Variants in ST6GALNAC3 observed in about 807,000 individuals in gnomAD.
The protein encoded by ST6GALNAC3 is ST6 N-acetylgalactosaminide alpha-2,6-sialyltransferase 3, also known as alpha-N-acetylgalactosaminide alpha-2,6-sialyltransferase 3.
ST6GALNAC3 carries 25 observed loss-of-function variants against 32.7 expected under a neutral mutation model. The observed-to-expected ratio is 0.76, with a 90% CI of 0.56 to 1.07. The LOEUF (loss-of-function observed/expected upper bound fraction) is 1.07, where lower values mean the gene tolerates loss of function less well. ST6GALNAC3 is among the 50% of genes least tolerant of loss of function. ST6GALNAC3 has a pLI of 0.00. For synonymous variants in ST6GALNAC3, 129 were observed against 133.1 expected (o/e 0.97, Z 0.21); for missense variants, 355 against 382.4 (o/e 0.93, Z 0.60).
intron 1 of ST6GALNAC3, among the ~76,000 whole-genome samples, chr1:76,207,435 A>G (rs1381883033): frequency 1.3e-5 from 2 of 152,232 alleles, no homozygotes; most frequent in East Asian, 3.8e-4. Flanking sequence ...TTCTGTGGCT[A>G]TAACAACACA....
intron 3 of ST6GALNAC3, among the ~76,000 whole-genome samples, chr1:76,466,100 GTCATGGTTTGTAA>G (rs1400760610): frequency 9.9e-5 from 15 of 152,172 alleles, no homozygotes; most frequent in African/African-American, 3.6e-4. Context: ...ATTTCTCCCA[GTCATGGTTTGTAA>G]TAGCCTTAAT....
intron 1 of ST6GALNAC3, among the ~76,000 whole-genome samples, chr1:76,265,573 C>G (rs573500739): frequency 1.3e-5 from 2 of 152,230 alleles, no homozygotes; most frequent in African/African-American, 4.8e-5. Context: ...CAAACATGCA[C>G]TTTTATCAAA....
chr1:76,554,160 T>C (rs1664787129), intron 3 of ST6GALNAC3, among the ~76,000 whole-genome samples: 2 of 152,168 alleles, frequency 1.3e-5, no homozygotes, highest in Middle Eastern at 3.2e-3. Context: ...CTGGGAGTTA[T>C]CTCCTTGATT....
intron 1 of ST6GALNAC3, among the ~76,000 whole-genome samples, chr1:76,169,431 A>G (rs1161273677): frequency 6.6e-6 from 1 of 151,782 alleles, no homozygotes; most frequent in African/African-American, 2.4e-5. Context: ...GTGCTTGGGG[A>G]TGATCTTTAG....
intron 1 of ST6GALNAC3, among the ~76,000 whole-genome samples, chr1:76,169,718 G>A (rs952377532): frequency 6.6e-6 from 1 of 152,126 alleles, no homozygotes; most frequent in Non-Finnish European, 1.5e-5. Flanking sequence ...GTCAAGCTCT[G>A]AGATTATTTT....
At chr1:76,589,200 T>C (rs1407021609) in intron 3 of ST6GALNAC3, among the ~76,000 whole-genome samples, 2 of 152,228 alleles carry the variant, frequency 1.3e-5, no homozygotes, top group Non-Finnish European at 2.9e-5. Context: ...TGGTTTCTGA[T>C]ATTTCATGCC....
intron 3 of ST6GALNAC3, among the ~76,000 whole-genome samples, chr1:76,489,552 C>A (rs1338642307): frequency 6.6e-6 from 1 of 152,050 alleles, no homozygotes; most frequent in Non-Finnish European, 1.5e-5. Context: ...TAATAGACAT[C>A]CTGAAATGCC....
intron 2 of ST6GALNAC3, among the ~76,000 whole-genome samples, chr1:76,373,125 C>T (rs1282519237): frequency 1.3e-5 from 2 of 151,970 alleles, no homozygotes; most frequent in African/African-American, 4.8e-5. Flanking sequence ...CAGATGGTAA[C>T]AGGAATGACA....
At chr1:76,322,521 C>G (rs1312487280) in intron 2 of ST6GALNAC3, among the ~76,000 whole-genome samples, 1 of 152,136 alleles carries the variant, frequency 6.6e-6, no homozygotes, top group Non-Finnish European at 1.5e-5. Flanking sequence ...ACAAGAAATT[C>G]ATTTCACTGT....
At chr1:76,127,286 C>A (rs1649314819) in intron 1 of ST6GALNAC3, among the ~76,000 whole-genome samples, 1 of 151,956 alleles carries the variant, frequency 6.6e-6, no homozygotes, top group Non-Finnish European at 1.5e-5. Context: ...CACCCAGGGC[C>A]CCAAATCATT....
intron 1 of ST6GALNAC3, among the ~76,000 whole-genome samples, chr1:76,299,847 G>T (rs887596864): frequency 6.6e-6 from 1 of 152,022 alleles, no homozygotes; most frequent in African/African-American, 2.4e-5. Flanking sequence ...ATATGAAACA[G>T]ATTTTTTCCC....
At chr1:76,438,420 T>C (rs1360532537) in intron 3 of ST6GALNAC3, among the ~76,000 whole-genome samples, 1 of 152,330 alleles carries the variant, frequency 6.6e-6, no homozygotes, top group East Asian at 1.9e-4. Context: ...ATTACAGGCG[T>C]GAGCCACCCC....
Position 76,629,153 on chromosome 1 carries a change from C to T in ST6GALNAC3, c.*347C>T. 9.7e-7 allele frequency: 1 copy of T among 1,027,808 alleles called. No individual in the cohort carries two copies. Among genetic ancestry groups the T allele is most frequent in the East Asian group, 1.0e-4 (1 of 9,858 alleles). The allele number at this position is 1,027,808 out of a possible 1,614,324, so 63.7% of individuals were successfully genotyped here. On this transcript the variant is annotated 3_prime_UTR_variant, in exon 5 of 5. Transcript: ENST00000328299. ...CCTAGAATTGTTCAACAGTGAGTAA[C>T]TTCCAGAAGCCAAAAGAGTTTGGCT... is the stretch of plus-strand genomic sequence containing the variant.
intron 2 of ST6GALNAC3, among the ~76,000 whole-genome samples, chr1:76,359,213 T>A (rs948253693): frequency 1.3e-5 from 2 of 152,320 alleles, no homozygotes; most frequent in South Asian, 4.1e-4. Flanking sequence ...CCTATTAACA[T>A]TTAAAAAATA....
At chr1:76,385,659 T>C (rs937777170) in intron 2 of ST6GALNAC3, among the ~76,000 whole-genome samples, 3 of 152,130 alleles carry the variant, frequency 2.0e-5, no homozygotes, top group African/African-American at 7.2e-5. Context: ...ATTCCTTATA[T>C]TTGTTTTAAA....
chr1:76,519,574 T>G (rs1487418299), intron 3 of ST6GALNAC3, among the ~76,000 whole-genome samples: 1 of 152,154 alleles, frequency 6.6e-6, no homozygotes. Context: ...GTGTAGCTAG[T>G]GATTAGTGCA....
rs746231556 is a variant in ST6GALNAC3 at position 76,315,298 on chromosome 1, ATAACTC to A, written c.213+1302_213+1307del. ...ATTTCTGGCTATCATTTAATATTCT[ATAACTC>A]TACTGTATGGTGTTAATCAATTCAC... On this transcript the variant is annotated intron_variant, in intron 2 of 4. Transcript: ENST00000328299. Among the ~76,000 whole-genome samples, 141 of 152,122 alleles carry A rather than the reference ATAACTC, an allele frequency of 9.3e-4. 3 individuals are homozygous for A. Among genetic ancestry groups the A allele is most frequent in the Non-Finnish European group, 2.5e-4 (17 of 68,012 alleles).
chr1:76,573,572 G>C (rs1161511046), intron 3 of ST6GALNAC3, among the ~76,000 whole-genome samples: 2 of 151,884 alleles, frequency 1.3e-5, no homozygotes, highest in African/African-American at 4.8e-5. Context: ...ACAGGAAAAA[G>C]GAAAAATGTC....
intron 1 of ST6GALNAC3, among the ~76,000 whole-genome samples, chr1:76,181,084 GC>G (rs948789036): frequency 5.3e-5 from 8 of 152,198 alleles, no homozygotes; most frequent in African/African-American, 1.9e-4. Context: ...TGGGGCCAGA[GC>G]CCAGCATCCC....
Sources: gnomAD v4.1 joint callset for allele counts (sites outside exome capture counted in the v4.1 genomes callset) on GRCh38, gnomAD v4.1.1 for gene constraint, MANE v1.5 for transcripts, NCBI Gene and HGNC (gene_info 2026-07-23, HGNC 2026-07-21) for gene names.